DOCK2: variants seen among roughly 807,000 people sequenced by gnomAD.
The protein encoded by DOCK2 is dedicator of cytokinesis 2.
In DOCK2, 87 loss-of-function variants were observed where a neutral mutation model predicts 248.9. The ratio of observed to expected loss-of-function variants is 0.35; its 90% CI spans 0.29 to 0.42. The LOEUF (loss-of-function observed/expected upper bound fraction) is 0.42, where lower values mean the gene tolerates loss of function less well. DOCK2 is among the 10% of genes least tolerant of loss of function. The pLI is 1.00. For missense variants in DOCK2, 1,747 were observed against 2,300.2 expected (o/e 0.76, Z 4.92); for synonymous variants, 805 against 821.6 (o/e 0.98, Z 0.35).
chr5:169,668,184 G>A (rs142430400), intron 2 of DOCK2, among the ~76,000 whole-genome samples: 34 of 152,268 alleles, frequency 2.2e-4, no homozygotes, highest in African/African-American at 7.9e-4. Context: ...CGGTTGTTAT[G>A]AATATTGAAG....
chr5:169,951,850 G>A (rs932350273), intron 27 of DOCK2, among the ~76,000 whole-genome samples: 5 of 152,064 alleles, frequency 3.3e-5, no homozygotes, highest in Admixed American at 1.3e-4. Flanking sequence ...TGAAAATTTA[G>A]GAAACTTGCC....
At chr5:169,741,934 C>A (rs1763332852) in intron 22 of DOCK2, among the ~76,000 whole-genome samples, 1 of 151,432 alleles carries the variant, frequency 6.6e-6, no homozygotes, top group Admixed American at 6.6e-5. Context: ...CTCAGCCTCC[C>A]AAGTAGCTGA....
chr5:169,680,913 TTTTG>T (rs1480053193), intron 6 of DOCK2, among the ~76,000 whole-genome samples: 3 of 152,036 alleles, frequency 2.0e-5, no homozygotes, highest in South Asian at 2.1e-4. Context: ...CTGGCCTATT[TTTTG>T]TTTATTTGTT....
intron 25 of DOCK2, among the ~76,000 whole-genome samples, chr5:169,794,374 G>C (rs1160886279): frequency 6.6e-6 from 1 of 152,120 alleles, no homozygotes; most frequent in Non-Finnish European, 1.5e-5. Context: ...GTTAGAGTTT[G>C]CTTCTGGAGT....
At chr5:170,009,949 T>A (rs1501643) in intron 32 of DOCK2, among the ~76,000 whole-genome samples, 114,723 of 152,130 alleles carry the variant, frequency 0.75, 44,090 homozygotes, top group African/African-American at 0.92. Flanking sequence ...AGACTGCCAC[T>A]TCTTTGCTTT....
chr5:169,749,648 A>G (rs1763798151), intron 23 of DOCK2, among the ~76,000 whole-genome samples: 1 of 152,148 alleles, frequency 6.6e-6, no homozygotes, highest in African/African-American at 2.4e-5. Flanking sequence ...TCAGATTCAT[A>G]TCTGTTCCTG....
chr5:169,698,879 C>T (rs1760791556), intron 11 of DOCK2, among the ~76,000 whole-genome samples: 1 of 152,124 alleles, frequency 6.6e-6, no homozygotes, highest in Admixed American at 6.5e-5. Flanking sequence ...GAATCCTAAC[C>T]TGGTTCTCAT....
chr5:169,881,055 C>T (rs1353187644), intron 27 of DOCK2, among the ~76,000 whole-genome samples: 1 of 152,108 alleles, frequency 6.6e-6, no homozygotes, highest in African/African-American at 2.4e-5. Context: ...GGAAAATGCT[C>T]TGTGTGAGCG....
At chr5:169,681,629 T>TGTGG in intron 6 of DOCK2, 115 bp from the exon 7 acceptor site, 1 of 1,293,142 alleles carries the variant, frequency 7.7e-7, no homozygotes, top group Non-Finnish European at 1.1e-6. Flanking sequence ...TGTAGAGCTC[T>TGTGG]TCTATGTGAC....
At chr5:169,831,745 T>C (rs1016312029) in intron 26 of DOCK2, among the ~76,000 whole-genome samples, 28 of 152,342 alleles carry the variant, frequency 1.8e-4, no homozygotes, top group Admixed American at 9.1e-4. Flanking sequence ...TCAAAAGATA[T>C]TAGCTCTCAG....
At chr5:169,949,494 T>A (rs1478755256) in intron 27 of DOCK2, among the ~76,000 whole-genome samples, 1 of 151,860 alleles carries the variant, frequency 6.6e-6, no homozygotes, top group African/African-American at 2.4e-5. Flanking sequence ...GAGAAATAAC[T>A]TGTAAAAGTA....
intron 26 of DOCK2, among the ~76,000 whole-genome samples, chr5:169,813,440 C>G (rs1251724870): frequency 2.6e-5 from 4 of 152,112 alleles, no homozygotes; most frequent in Non-Finnish European, 4.4e-5. Context: ...AATTGGAAAA[C>G]GTTGCATATA....
chr5:169,719,506 A>G (rs1290900922), intron 22 of DOCK2, among the ~76,000 whole-genome samples: 1 of 152,254 alleles, frequency 6.6e-6, no homozygotes, highest in Non-Finnish European at 1.5e-5. Flanking sequence ...CACGCAACTG[A>G]AACTGACTTA....
At chr5:169,801,146 GTTTTTTTTTTTTTT>G (rs60574755) in intron 25 of DOCK2, among the ~76,000 whole-genome samples, 28 of 76,070 alleles carry the variant, frequency 3.7e-4, no homozygotes, top group East Asian at 4.9e-4. Flanking sequence ...ATAGTTTTGG[GTTTTTTTTTTTTTT>G]TTTTTTTTTT....
intron 27 of DOCK2, among the ~76,000 whole-genome samples, chr5:169,920,106 C>A (rs923583231): frequency 2.0e-5 from 3 of 151,968 alleles, no homozygotes; most frequent in Non-Finnish European, 4.4e-5. Flanking sequence ...AAAGAAACAC[C>A]AAGAGATTGG....
intron 23 of DOCK2, among the ~76,000 whole-genome samples, chr5:169,749,536 C>G (rs902806643): frequency 6.6e-6 from 1 of 152,094 alleles, no homozygotes; most frequent in Non-Finnish European, 1.5e-5. Context: ...ATGTATAACA[C>G]TAGGGATACG....
chr5:169,718,436 C>G (rs1317248460), intron 21 of DOCK2, among the ~76,000 whole-genome samples: 2 of 151,870 alleles, frequency 1.3e-5, no homozygotes, highest in African/African-American at 4.8e-5. Context: ...TTTTTTCCTC[C>G]CTATCTTTTT....
At chr5:169,926,224 C>T (rs1023443154) in intron 27 of DOCK2, among the ~76,000 whole-genome samples, 3 of 152,114 alleles carry the variant, frequency 2.0e-5, no homozygotes, top group Non-Finnish European at 2.9e-5. Flanking sequence ...ACTTGGGGAC[C>T]ACGGGGAAGC....
At chr5:170,011,539 G>A (rs1755295408) in intron 32 of DOCK2, among the ~76,000 whole-genome samples, 1 of 152,160 alleles carries the variant, frequency 6.6e-6, no homozygotes. Context: ...GTATTTATTA[G>A]AAGGGCAAGA....
Sources: gnomAD v4.1 joint callset for allele counts (sites outside exome capture counted in the v4.1 genomes callset) on GRCh38, gnomAD v4.1.1 for gene constraint, MANE v1.5 for transcripts, NCBI Gene and HGNC (gene_info 2026-07-23, HGNC 2026-07-21) for gene names.